The following BPIFB3 variants were observed in gnomAD, a reference collection of about 807,000 sequenced individuals.
BPIFB3 encodes the protein BPI fold-containing family B member 3.
BPIFB3 carries 49 observed loss-of-function variants against 53.1 expected under a neutral mutation model. The ratio of observed to expected loss-of-function variants is 0.92; its 90% confidence interval spans 0.73 to 1.17. The LOEUF (loss-of-function observed/expected upper bound fraction) is 1.17, where lower values mean the gene tolerates loss of function less well. BPIFB3 is among the 50% of genes most tolerant of loss of function. The pLI, the probability that BPIFB3 is intolerant of heterozygous loss-of-function variation, is 0.00. For synonymous variants in BPIFB3, 271 were observed against 269.6 expected (o/e 1.01, Z -0.05); for missense variants, 628 against 592.5 (o/e 1.06, Z -0.62).
exon 4 of BPIFB3, chr20:33,059,982 A>G (rs1413803710): frequency 6.2e-7 from 1 of 1,614,134 alleles, no homozygotes; most frequent in South Asian, 1.1e-5. Flanking sequence ...ACCCATCCTT[A>G]TCCTCAAGCG....
chr20:33,060,779 G>T (rs1980422380), intron 4 of BPIFB3, among the ~76,000 whole-genome samples: 1 of 152,100 alleles, frequency 6.6e-6, no homozygotes, highest in Non-Finnish European at 1.5e-5. Context: ...TGGCCAGGCT[G>T]GTCTCGAACT....
At chr20:33,059,821 C>A in intron 3 of BPIFB3, 70 bp from the exon 5 acceptor site, 1 of 1,564,566 alleles carries the variant, frequency 6.4e-7, no homozygotes, top group Non-Finnish European at 8.6e-7. Flanking sequence ...ACTGGCAGGG[C>A]CACCCTGGTG....
intron 3 of BPIFB3, among the ~76,000 whole-genome samples, 165 bp downstream of exon 4, chr20:33,059,647 G>T (rs569342487): frequency 6.6e-6 from 1 of 151,318 alleles, no homozygotes; most frequent in South Asian, 2.1e-4. Flanking sequence ...TTTCCCCCCT[G>T]GATCCTATGC....
In BPIFB3 at chr20:33,061,756, C is replaced by T. The variant is rs774101227; in HGVS notation, c.528-12C>T. On this transcript the variant is annotated splice_polypyrimidine_tract_variant and intron_variant, in intron 4 of 14. Transcript: ENST00000375494. ...CTGGCAGCCGCACCCACATGTGTCT[C>T]CCTCTGCTCAGGCTGCTGCCCACAC... The T allele has an allele frequency of 3.6e-5, 58 of 1,613,932 alleles. No homozygotes were observed. The highest frequency in any genetic ancestry group is 4.4e-5 in the Non-Finnish European group (52 of 1,179,914).
At chr20:33,060,145 C>T (rs1217096822) in intron 4 of BPIFB3, 114 bp downstream of exon 5, 4 of 1,381,794 alleles carry the variant, frequency 2.9e-6, no homozygotes, top group Non-Finnish European at 3.9e-6. Flanking sequence ...TGAACTCGTC[C>T]TACCCCTGCT....
At chr20:33,063,720 C>T (rs1980546469) in intron 6 of BPIFB3, 45 bp downstream of exon 7, 2 of 1,595,560 alleles carry the variant, frequency 1.3e-6, no homozygotes, top group East Asian at 4.5e-5. Context: ...TTCTACCCGT[C>T]TCTGTATGAC....
At chr20:33,064,753 T>A in exon 8 of BPIFB3, 1 of 1,614,102 alleles carries the variant, frequency 6.2e-7, no homozygotes. Context: ...GGACCACACA[T>A]CCCAGGTGAT....
At chr20:33,054,938 C>T (rs1200378721), upstream of BPIFB3, among the ~76,000 whole-genome samples, 1 of 152,212 alleles carries the variant, frequency 6.6e-6, no homozygotes, top group Non-Finnish European at 1.5e-5. Context: ...CCTTCTGAAA[C>T]AGCCTCATGA....
intron 2 of BPIFB3, among the ~76,000 whole-genome samples, chr20:33,057,566 GT>G (rs2146380133): frequency 6.6e-6 from 1 of 152,200 alleles, no homozygotes; most frequent in African/African-American, 2.4e-5. Context: ...CCAGAACACT[GT>G]TACCAGGTTC....
intron 8 of BPIFB3, among the ~76,000 whole-genome samples, chr20:33,066,275 G>T (rs1980667927): frequency 6.6e-6 from 1 of 152,176 alleles, no homozygotes; most frequent in African/African-American, 2.4e-5. Flanking sequence ...ACAAGGGGAG[G>T]GGGTGCAGGC....
chr20:33,056,432 T>G, intron 1 of BPIFB3, 110 bp from the exon 3 acceptor site: 1 of 1,394,930 alleles, frequency 7.2e-7, no homozygotes, highest in East Asian at 2.3e-5. Context: ...CTGGGTTAAT[T>G]CCATTTTTAA....
At chr20:33,054,552 G>A (rs961595724), upstream of BPIFB3, among the ~76,000 whole-genome samples, 3 of 152,114 alleles carry the variant, frequency 2.0e-5, no homozygotes, top group African/African-American at 4.8e-5. Flanking sequence ...AAGCAGGGAG[G>A]AGCCTTCCTA....
intron 5 of BPIFB3, among the ~76,000 whole-genome samples, chr20:33,062,041 C>T (rs1304693486): frequency 7.6e-6 from 1 of 131,042 alleles, no homozygotes; most frequent in Non-Finnish European, 1.6e-5. Context: ...GCCTGGGTCC[C>T]CTGCTCCCAA....
At chr20:33,072,906 C>A (rs1980967316) in intron 14 of BPIFB3, 113 bp downstream of exon 15, 6 of 949,356 alleles carry the variant, frequency 6.3e-6, no homozygotes, top group Non-Finnish European at 8.1e-6. Context: ...TGTCCCTGAT[C>A]CATTTTCTAA....
chr20:33,058,599 T>C (rs536378953), intron 2 of BPIFB3, among the ~76,000 whole-genome samples: 2 of 152,152 alleles, frequency 1.3e-5, no homozygotes, highest in East Asian at 3.9e-4. Context: ...CAATATTTAC[T>C]CTCCCTCCCC....
chr20:33,055,548 G>A lies in BPIFB3; in HGVS notation c.124+1G>A, dbSNP rs550261954. 8 of 1,613,614 alleles carry A rather than the reference G, an allele frequency of 5.0e-6. No individual in the cohort carries two copies. In the South Asian group the frequency reaches 7.7e-5, roughly 16 times the overall value. On this transcript the variant is annotated splice_donor_variant, in intron 1 of 14. Coordinates refer to ENST00000375494, the Ensembl canonical transcript of BPIFB3. LOFTEE classifies it high-confidence loss of function. ...ATTGACAAGGATGAACTCGGCAAAG[G>A]TGAGCCCCAGGTGGGCAGTCTGTGA...
intron 10 of BPIFB3, 136 bp downstream of exon 11, chr20:33,069,109 C>T (rs1394638072): frequency 2.1e-6 from 2 of 958,618 alleles, no homozygotes; most frequent in African/African-American, 3.3e-5. Context: ...AAGCCCCCCG[C>T]CCCACAACCA....
downstream of BPIFB3, chr20:33,073,724 C>A: frequency 8.3e-7 from 1 of 1,205,490 alleles, no homozygotes; most frequent in Non-Finnish European, 1.2e-6. Flanking sequence ...CCCTCTGGCC[C>A]TGAAGCACTA....
chr20:33,063,755 G>A, intron 6 of BPIFB3, 80 bp downstream of exon 7: 1 of 1,442,272 alleles, frequency 6.9e-7, no homozygotes, highest in Non-Finnish European at 9.5e-7. Context: ...GTACGAAGGG[G>A]AGCCAGAAGC....
Sources: allele counts gnomAD v4.1 joint callset (sites outside exome capture counted in the v4.1 genomes callset), GRCh38; gene constraint gnomAD v4.1.1; transcripts MANE v1.5; gene names NCBI Gene and HGNC (gene_info 2026-07-23, HGNC 2026-07-21).